MNAT1: variants seen among roughly 807,000 people sequenced by gnomAD.
MNAT1 encodes CDK-activating kinase assembly factor MAT1.
In MNAT1, 43 loss-of-function variants were observed where a neutral mutation model predicts 42.0. That is an observed-to-expected ratio of 1.02 (90% confidence interval 0.80 to 1.32). The LOEUF (loss-of-function observed/expected upper bound fraction) is 1.32. Among genes scored for constraint, MNAT1 ranks in the 40% most tolerant of loss-of-function variants. The pLI is 0.00. For synonymous variants in MNAT1, 118 were observed against 120.0 expected (o/e 0.98, Z 0.11); for missense variants, 306 against 350.4 (o/e 0.87, Z 1.01).
chr14:60,861,564 T>TA (rs1566799690), intron 6 of MNAT1, among the ~76,000 whole-genome samples: 17 of 15,546 alleles, frequency 1.1e-3, no homozygotes, highest in Non-Finnish European at 8.9e-3. Context: ...ATTATTTTTT[T>TA]AAAAAAATTT....
chr14:60,943,428 C>G (rs547243135), intron 7 of MNAT1, among the ~76,000 whole-genome samples: 2 of 152,134 alleles, frequency 1.3e-5, no homozygotes. Context: ...ATTCATTTTA[C>G]AGGTGGGGAA....
chr14:60,799,805 T>G (rs2032144512), intron 3 of MNAT1, among the ~76,000 whole-genome samples: 1 of 151,954 alleles, frequency 6.6e-6, no homozygotes, highest in African/African-American at 2.4e-5. Flanking sequence ...GGCCCATAAT[T>G]GGTACTAGAA....
chr14:60,889,387 T>C (rs2034774596), intron 7 of MNAT1, among the ~76,000 whole-genome samples: 1 of 152,100 alleles, frequency 6.6e-6, no homozygotes, highest in Non-Finnish European at 1.5e-5. Flanking sequence ...CTGGGAAAAC[T>C]GGCTAGCCAT....
intron 6 of MNAT1, among the ~76,000 whole-genome samples, chr14:60,878,330 A>G (rs1010708685): frequency 3.9e-5 from 6 of 152,138 alleles, no homozygotes; most frequent in Admixed American, 6.6e-5. Context: ...TGTCAGCGAA[A>G]TCTTTTTTTA....
At chr14:60,913,729 C>T (rs2035444023) in intron 7 of MNAT1, among the ~76,000 whole-genome samples, 1 of 152,156 alleles carries the variant, frequency 6.6e-6, no homozygotes, top group African/African-American at 2.4e-5. Context: ...AGGTGTCAGT[C>T]TGCCCCTACT....
At chr14:60,931,001 G>T (rs1306855032) in intron 7 of MNAT1, among the ~76,000 whole-genome samples, 1 of 152,068 alleles carries the variant, frequency 6.6e-6, no homozygotes, top group Admixed American at 6.6e-5. Context: ...TTATATTTTA[G>T]AAAAAATACT....
intron 1 of MNAT1, among the ~76,000 whole-genome samples, chr14:60,793,774 G>A (rs1054046195): frequency 4.6e-5 from 7 of 152,014 alleles, no homozygotes; most frequent in Non-Finnish European, 8.8e-5. Flanking sequence ...CATATTACCC[G>A]TGGGAAGTGA....
intron 1 of MNAT1, among the ~76,000 whole-genome samples, chr14:60,757,440 G>C (rs2030409642): frequency 6.6e-6 from 1 of 151,972 alleles, no homozygotes; most frequent in Admixed American, 6.6e-5. Flanking sequence ...ACATTTTCTG[G>C]TCATCAATTG....
At chr14:60,909,579 G>C (rs1009608774) in intron 7 of MNAT1, among the ~76,000 whole-genome samples, 2 of 152,000 alleles carry the variant, frequency 1.3e-5, no homozygotes, top group African/African-American at 2.4e-5. Flanking sequence ...ATTAAATAGG[G>C]AATCCTTTCC....
At chr14:60,739,145 C>G (rs1306411614) in intron 1 of MNAT1, among the ~76,000 whole-genome samples, 1 of 151,970 alleles carries the variant, frequency 6.6e-6, no homozygotes, top group Non-Finnish European at 1.5e-5. Context: ...TCTCCCAGAA[C>G]TAGTGATATG....
intron 7 of MNAT1, among the ~76,000 whole-genome samples, chr14:60,894,980 T>G (rs937700587): frequency 2.0e-5 from 3 of 151,848 alleles, no homozygotes; most frequent in Non-Finnish European, 2.9e-5. Context: ...AAATAATTTG[T>G]TTTTTTTGGT....
chr14:60,909,427 G>A (rs1248964973), intron 7 of MNAT1, among the ~76,000 whole-genome samples: 1 of 152,028 alleles, frequency 6.6e-6, no homozygotes, highest in African/African-American at 2.4e-5. Context: ...GTATTGCCTA[G>A]GTTTTCTTCT....
chr14:60,809,310 G>C (rs2032472435), intron 4 of MNAT1, among the ~76,000 whole-genome samples: 1 of 152,056 alleles, frequency 6.6e-6, no homozygotes, highest in African/African-American at 2.4e-5. Context: ...TAGTCTTATA[G>C]TGTTTTATAT....
chr14:60,780,113 G>C (rs2031404777), intron 1 of MNAT1: 7 of 1,463,636 alleles, frequency 4.8e-6, no homozygotes, highest in Admixed American at 3.3e-5. Context: ...CTTTACTCGA[G>C]TGCAGAAATA....
chr14:60,780,311 G>T (rs932836481), intron 1 of MNAT1: 82 of 1,536,462 alleles, frequency 5.3e-5, no homozygotes, highest in Non-Finnish European at 6.9e-5. Context: ...GACTGCAAAA[G>T]ATGACAGTGC....
intron 1 of MNAT1, chr14:60,753,688 C>CT (rs2030202054): frequency 6.6e-6 from 1 of 152,148 alleles, no homozygotes; most frequent in Non-Finnish European, 1.5e-5. Context: ...GGGAATTGGG[C>CT]TTCCCCTTTT....
At chr14:60,781,455 C>A (rs2031457242) in intron 1 of MNAT1, among the ~76,000 whole-genome samples, 1 of 151,964 alleles carries the variant, frequency 6.6e-6, no homozygotes, top group Non-Finnish European at 1.5e-5. Flanking sequence ...GTTTCCCCTC[C>A]CACTTATGAA....
At chr14:60,936,557 A>G in intron 7 of MNAT1, among the ~76,000 whole-genome samples, 1 of 151,922 alleles carries the variant, frequency 6.6e-6, no homozygotes, top group Non-Finnish European at 1.5e-5. Flanking sequence ...ACATGAACTC[A>G]TTATTTCTTA....
At chr14:60,920,660 C>T (rs2035639008) in intron 7 of MNAT1, among the ~76,000 whole-genome samples, 1 of 152,086 alleles carries the variant, frequency 6.6e-6, no homozygotes, top group African/African-American at 2.4e-5. Flanking sequence ...CCAGGTTGGT[C>T]TCGAACTCCT....
Sources: allele counts gnomAD v4.1 joint callset (sites outside exome capture counted in the v4.1 genomes callset), GRCh38; gene constraint gnomAD v4.1.1; transcripts MANE v1.5; gene names NCBI Gene and HGNC (gene_info 2026-07-23, HGNC 2026-07-21).